PTGIS: variants seen among roughly 807,000 people sequenced by gnomAD.
PTGIS encodes the protein prostaglandin I2 synthase.
In PTGIS, 45 loss-of-function variants were observed where a neutral mutation model predicts 50.3. That is an observed-to-expected ratio of 0.90 (90% CI 0.70 to 1.15). The LOEUF is 1.15. Ranked by LOEUF, PTGIS falls within the 50% of genes most tolerant of loss-of-function variation. PTGIS has a pLI of 0.00. For missense variants in PTGIS, 668 were observed against 661.3 expected (o/e 1.01, Z -0.11); for synonymous variants, 260 against 267.7 (o/e 0.97, Z 0.28).
At chr20:49,533,974 T>TAA (rs566544085) in intron 5 of PTGIS, among the ~76,000 whole-genome samples, 109 of 130,616 alleles carry the variant, frequency 8.3e-4, no homozygotes, top group African/African-American at 4.3e-3. Flanking sequence ...AGCAAAAACA[T>TAA]ATATATATAT....
intron 1 of PTGIS, among the ~76,000 whole-genome samples, chr20:49,550,889 T>C (rs1029901158): frequency 1.3e-5 from 2 of 152,122 alleles, no homozygotes; most frequent in East Asian, 1.9e-4. Flanking sequence ...AAGTTTGAAG[T>C]TTTTTTTCCT....
At chr20:49,538,354 A>G (rs1982136136) in intron 5 of PTGIS, among the ~76,000 whole-genome samples, 1 of 150,656 alleles carries the variant, frequency 6.6e-6, no homozygotes, top group Non-Finnish European at 1.5e-5. Context: ...GCTTGAGCCC[A>G]GGAGTTCAAG....
intron 6 of PTGIS, among the ~76,000 whole-genome samples, chr20:49,523,081 C>T (rs921435078): frequency 6.6e-5 from 10 of 152,002 alleles, no homozygotes; most frequent in South Asian, 2.1e-4. Context: ...CTAAATGCAA[C>T]GTGTGATTCT....
chr20:49,520,347 T>G (rs1423099899), intron 6 of PTGIS, among the ~76,000 whole-genome samples: 2 of 152,064 alleles, frequency 1.3e-5, no homozygotes, highest in Non-Finnish European at 2.9e-5. Flanking sequence ...TTTTTTTTTT[T>G]TTTGAGATGG....
chr20:49,540,708 G>A lies in PTGIS; in HGVS notation c.522-987C>T, dbSNP rs1022758371. On this transcript the variant is annotated intron_variant, in intron 4 of 9. Transcript: ENST00000244043. The surrounding 1 kb of genome is among the most constrained non-coding windows in gnomAD (Gnocchi z 4.8). ...ACACAGGACCACGCTCAGAGGACGC[G>A]CCTTCACCTCCAGCCCCCTTTAAAT... 1.3e-5 allele frequency among the ~76,000 whole-genome samples: 2 copies of A among 152,146 alleles called. No individual in the cohort carries two copies. The highest frequency in any genetic ancestry group is 6.5e-5 in the Admixed American group (1 of 15,282).
At chr20:49,560,276 T>C (rs1427206553) in intron 1 of PTGIS, among the ~76,000 whole-genome samples, 2 of 151,404 alleles carry the variant, frequency 1.3e-5, no homozygotes, top group East Asian at 2.0e-4. Context: ...CATAGTTGAC[T>C]ATAACCTCAA....
At chr20:49,510,999 C>T (rs1456600321) in intron 9 of PTGIS, 29 bp downstream of exon 9, 12 of 1,609,156 alleles carry the variant, frequency 7.5e-6, no homozygotes, top group Middle Eastern at 2.1e-4. Context: ...TCAGGAGCCA[C>T]CCTGGCCCTG....
At position 49,553,727 on chromosome 20, in the gene PTGIS, T is replaced by A. The variant is rs116818596; in HGVS notation, c.75-3538A>T. ...AAAAAGAATAAGTAAATAAGAAGCA[T>A]GTAAAGAAAATTATAAAGGGGTATC... On this transcript the variant is annotated intron_variant, in intron 1 of 9. Transcript: ENST00000244043. 2.8e-3 allele frequency among the ~76,000 whole-genome samples: 423 copies of A among 151,902 alleles called. 4 individuals are homozygous for A. Among genetic ancestry groups the A allele is most frequent in the African/African-American group, 9.6e-3 (397 of 41,534 alleles).
intron 5 of PTGIS, among the ~76,000 whole-genome samples, chr20:49,536,232 G>T (rs1258305784): frequency 1.3e-5 from 2 of 152,138 alleles, no homozygotes; most frequent in Admixed American, 1.3e-4. Context: ...GGAAGAAGGG[G>T]TATTATATTT....
chr20:49,512,499 A>T (rs1981351860), intron 8 of PTGIS, among the ~76,000 whole-genome samples: 1 of 152,168 alleles, frequency 6.6e-6, no homozygotes, highest in Non-Finnish European at 1.5e-5. Flanking sequence ...ATGAATAGAC[A>T]GATGCATGAG....
intron 6 of PTGIS, among the ~76,000 whole-genome samples, chr20:49,520,428 G>C (rs777302680): frequency 6.6e-6 from 1 of 151,784 alleles, no homozygotes; most frequent in Non-Finnish European, 1.5e-5. Context: ...CCACCTCCCG[G>C]GTTCAAGTGA....
intron 1 of PTGIS, among the ~76,000 whole-genome samples, chr20:49,556,574 G>A (rs1204134355): frequency 1.3e-5 from 2 of 152,108 alleles, no homozygotes; most frequent in Non-Finnish European, 2.9e-5. Context: ...AGAAGAGAGA[G>A]CTCATATGGC....
chr20:49,527,051 C>G (rs981275218), intron 5 of PTGIS, among the ~76,000 whole-genome samples: 1 of 152,016 alleles, frequency 6.6e-6, no homozygotes, highest in Non-Finnish European at 1.5e-5. Context: ...TTCACAGTAG[C>G]CAAAAGGCAG....
chr20:49,539,755 C>CT (rs1485841116), intron 4 of PTGIS, 34 bp from the exon 5 acceptor site: 4 of 1,598,412 alleles, frequency 2.5e-6, no homozygotes, highest in Non-Finnish European at 3.4e-6. Flanking sequence ...AGGGGTCCTC[C>CT]TGGGACACTC....
intron 1 of PTGIS, among the ~76,000 whole-genome samples, chr20:49,563,568 C>T (rs762158986): frequency 7.9e-5 from 12 of 152,158 alleles, no homozygotes; most frequent in Non-Finnish European, 1.8e-4. Context: ...ATTGCTAGAT[C>T]TTCCCATTTT....
intron 1 of PTGIS, among the ~76,000 whole-genome samples, chr20:49,550,743 G>C (rs772286215): frequency 4.6e-5 from 7 of 152,176 alleles, no homozygotes; most frequent in Non-Finnish European, 1.0e-4. Flanking sequence ...TGAGAGCTAA[G>C]TTTTATTTTG....
Position 49,504,131 on chromosome 20 carries a change from A to T in PTGIS, c.*3789T>A, listed in dbSNP as rs1981074152. The T allele has an allele frequency of 6.6e-6, 1 of 152,172 alleles. No homozygotes were observed. The highest frequency in any genetic ancestry group is 1.5e-5 in the Non-Finnish European group (1 of 68,022). The allele number at this position is 152,172 out of a possible 1,614,324, so 9.4% of individuals were successfully genotyped here. A position where few individuals can be genotyped will look rare whatever the true frequency, so the allele number is the denominator to read the frequency against. ...GAGTGGGGGCCACTGGTGGGAGGAG[A>T]TGGCCCTGGTCGCCCATGGGATGAG... On this transcript the variant is annotated 3_prime_UTR_variant, in exon 10 of 10. Transcript: ENST00000244043.
intron 5 of PTGIS, among the ~76,000 whole-genome samples, chr20:49,527,057 G>C (rs888671982): frequency 6.6e-6 from 1 of 152,124 alleles, no homozygotes; most frequent in African/African-American, 2.4e-5. Context: ...GTAGCCAAAA[G>C]GCAGAAACAA....
At chr20:49,567,968 C>G in intron 1 of PTGIS, 75 bp downstream of exon 1, 4 of 1,365,132 alleles carry the variant, frequency 2.9e-6, no homozygotes, top group South Asian at 1.5e-5. Context: ...CCGCGGGCTC[C>G]GAGACCCTTG....
Sources: allele counts gnomAD v4.1 joint callset (sites outside exome capture counted in the v4.1 genomes callset), GRCh38; gene constraint gnomAD v4.1.1; non-coding constraint Gnocchi (gnomAD v3.1); transcripts MANE v1.5; gene names NCBI Gene and HGNC (gene_info 2026-07-23, HGNC 2026-07-21).